Variants in NLRP7 observed in about 807,000 individuals in gnomAD.
The protein encoded by NLRP7 is NACHT, LRR and PYD domains-containing protein 7.
Under a neutral mutation model 85.5 loss-of-function variants are expected in NLRP7, and 72 were observed. That is an observed-to-expected ratio of 0.84 (90% confidence interval 0.70 to 1.02). NLRP7 has a LOEUF of 1.02. Among genes scored for constraint, NLRP7 ranks in the 50% least tolerant of loss-of-function variants. NLRP7 has a pLI of 0.00. For synonymous variants in NLRP7, 550 were observed against 505.2 expected, an observed-to-expected ratio of 1.09 and a Z score of -1.19; for missense variants, 1,243 against 1,219.5, an observed-to-expected ratio of 1.02 and a Z score of -0.29.
At chr19:54,943,376 C>A (rs372784647) in intron 1 of NLRP7, among the ~76,000 whole-genome samples, 3 of 151,830 alleles carry the variant, frequency 2.0e-5, no homozygotes, top group Non-Finnish European at 2.9e-5. Context: ...CCGAGGCAGG[C>A]GGATCACGAG....
At chr19:54,935,915 GA>G (rs141064433) in intron 6 of NLRP7, among the ~76,000 whole-genome samples, 10,356 of 152,090 alleles carry the variant, frequency 0.068, 861 homozygotes, top group African/African-American at 0.2. Flanking sequence ...CCCGTCTGTG[GA>G]AAAAACTGTC....
rs2069174470 is a variant in NLRP7, at chr19:54,940,452, A to G, written c.367T>C (p.Trp123Arg). 1.2e-6 allele frequency: 2 copies of G among 1,613,812 alleles called. No homozygotes were observed. Among genetic ancestry groups the G allele is most frequent in the African/African-American group, 1.3e-5 (1 of 74,924 alleles). Residue 123 changes from tryptophan (W) to arginine (R), a missense_variant, in exon 4 of 10, where the codon TGG becomes CGG. Around this residue, in one of 3 missense-constraint regions of NLRP7, gnomAD observed 591 missense variants for 563.3 expected, o/e 1.05. Transcript: ENST00000340844. Reference sequence around the variant, plus strand: ...GACTGTTTCTCCATTGAATTTCTCCATCCTTCCTTTTCACCTGCAGTGACA... The same window carrying G: ...GACTGTTTCTCCATTGAATTTCTCCGTCCTTCCTTTTCACCTGCAGTGACA...
At chr19:54,960,050 T>C (rs1328641841) in intron 1 of NLRP7, among the ~76,000 whole-genome samples, 1 of 152,028 alleles carries the variant, frequency 6.6e-6, no homozygotes, top group Non-Finnish European at 1.5e-5. Context: ...AACCACGTAG[T>C]TCCTCTTTTG....
Position 54,934,796 on chromosome 19 carries a change from G to A in NLRP7, c.2301-137C>T, listed in dbSNP as rs145138824. 2.8e-4 allele frequency: 191 copies of A among 678,338 alleles called. 2 individuals are homozygous for A. The highest frequency in any genetic ancestry group is 3.9e-4 in the Non-Finnish European group (160 of 409,618). 42.0% of individuals were successfully genotyped at this position (678,338 alleles called of 1,614,324 possible). ...GTGATCTCACCTCACTGCAGCCTCC[G>A]CCTCCCGGGTTCAAGCTATTCTCCT... On this transcript the variant is annotated intron_variant, in intron 6 of 9. Transcript: ENST00000340844. The surrounding 1 kb of genome is among the most constrained non-coding windows in gnomAD (Gnocchi z 6.7).
At chr19:54,933,317 T>C (rs1461017729) in intron 8 of NLRP7, among the ~76,000 whole-genome samples, 1 of 152,096 alleles carries the variant, frequency 6.6e-6, no homozygotes, top group Non-Finnish European at 1.5e-5. Context: ...GGCTAATTTT[T>C]GGTATTTTTA....
At chr19:54,959,981 AT>A (rs1431670132) in intron 1 of NLRP7, among the ~76,000 whole-genome samples, 1 of 151,738 alleles carries the variant, frequency 6.6e-6, no homozygotes, top group African/African-American at 2.4e-5. Flanking sequence ...AGACCTGGGC[AT>A]TTTGTTGAAT....
At chr19:54,929,720 C>G (rs1229590146) in intron 9 of NLRP7, among the ~76,000 whole-genome samples, 1 of 152,136 alleles carries the variant, frequency 6.6e-6, no homozygotes, top group East Asian at 1.9e-4. Flanking sequence ...CTTCTCCAGG[C>G]CCTCTACCTG....
At chr19:54,944,126 G>A (rs568130169) in intron 1 of NLRP7, among the ~76,000 whole-genome samples, 5 of 152,108 alleles carry the variant, frequency 3.3e-5, no homozygotes, top group East Asian at 1.9e-4. Flanking sequence ...AGACCAGACC[G>A]TACCCCAGCC....
intron 1 of NLRP7, among the ~76,000 whole-genome samples, chr19:54,945,238 C>CAAA (rs75770706): frequency 2.9e-5 from 2 of 69,700 alleles, no homozygotes; most frequent in African/African-American, 9.0e-5. Flanking sequence ...GACTCCCTCT[C>CAAA]AAAAAAAAAA....
In NLRP7 at chr19:54,957,346, CTT is replaced by C. The variant is rs369473061; in HGVS notation, c.-77+8692_-77+8693del. Among the ~76,000 whole-genome samples the C allele has an allele frequency of 1.8e-3, 227 of 127,988 alleles. 7 individuals carry two copies. The East Asian group carries it at 0.035, about 20-fold the overall frequency. The allele number at this position is 127,988 out of a possible 152,430, so 84.0% of individuals were successfully genotyped here. A position where few individuals can be genotyped will look rare whatever the true frequency, so the allele number is the denominator to read the frequency against. On this transcript the variant is annotated intron_variant, in intron 1 of 2. Coordinates refer to the NLRP7 transcript ENST00000587103. Reference sequence around the variant, plus strand: ...CCCCTACTCCTTTCTTCTTCTTCTTCTTTTTTTTTTTTTTTTTGAGATGGAGT... The same window carrying C: ...CCCCTACTCCTTTCTTCTTCTTCTTCTTTTTTTTTTTTTTTGAGATGGAGT...
chr19:54,962,998 G>C (rs532265836), intron 1 of NLRP7, among the ~76,000 whole-genome samples: 12 of 152,286 alleles, frequency 7.9e-5, no homozygotes, highest in African/African-American at 2.6e-4. Context: ...CAAGACCTCA[G>C]ACAGGTTTTC....
upstream of NLRP7, among the ~76,000 whole-genome samples, chr19:54,951,621 T>A (rs779242695): frequency 6.6e-6 from 1 of 151,932 alleles, no homozygotes; most frequent in African/African-American, 2.4e-5. Context: ...AAAATAAAAA[T>A]GAAAAAATGT....
chr19:54,936,925 A>C (rs2068954417), intron 5 of NLRP7, among the ~76,000 whole-genome samples: 1 of 148,624 alleles, frequency 6.7e-6, no homozygotes, highest in Non-Finnish European at 1.5e-5. Context: ...AAAAGAAAAA[A>C]AAATTCGCCG....
chr19:54,961,630 T>A (rs1404654142), intron 1 of NLRP7, among the ~76,000 whole-genome samples: 1 of 151,110 alleles, frequency 6.6e-6, no homozygotes, highest in Non-Finnish European at 1.5e-5. Flanking sequence ...GATCAGGAGT[T>A]CAAGAAGAGC....
chr19:54,941,381 C>CAA (rs55704982), intron 2 of NLRP7, 54 bp downstream of exon 2: 37,385 of 656,556 alleles, frequency 0.057, 557 homozygotes, highest in Non-Finnish European at 0.065. Context: ...GACTCCATCT[C>CAA]AAAAAAAAAA....
intron 6 of NLRP7, among the ~76,000 whole-genome samples, chr19:54,936,059 T>C (rs1230628566): frequency 6.6e-6 from 1 of 152,148 alleles, no homozygotes; most frequent in African/African-American, 2.4e-5. Context: ...GGTGTTTCTT[T>C]GCATGGATAG....
chr19:54,929,457 T>C (rs2068580968), intron 9 of NLRP7, among the ~76,000 whole-genome samples: 1 of 152,192 alleles, frequency 6.6e-6, no homozygotes, highest in South Asian at 2.1e-4. Context: ...CTCTTTGCAT[T>C]AGGATTGCAG....
intron 4 of NLRP7, 124 bp from the exon 5 acceptor site, chr19:54,938,365 A>G (rs527760108): frequency 4.2e-4 from 321 of 763,756 alleles, no homozygotes; most frequent in Admixed American, 6.3e-4. Context: ...CAGTGTCTAT[A>G]GTAAACAATA....
chr19:54,937,853 C>T (rs1056287416), intron 5 of NLRP7, among the ~76,000 whole-genome samples, 191 bp downstream of exon 5: 7 of 142,436 alleles, frequency 4.9e-5, no homozygotes, highest in Admixed American at 7.4e-5. Flanking sequence ...GCTGAGATCG[C>T]GCCATTGCAC....
Sources: gnomAD v4.1 joint callset for allele counts (sites outside exome capture counted in the v4.1 genomes callset) on GRCh38, gnomAD v4.1.1 for gene constraint, gnomAD v4.1.1 regional missense constraint, Gnocchi (gnomAD v3.1) non-coding constraint, MANE v1.5 for transcripts, NCBI Gene and HGNC (gene_info 2026-07-23, HGNC 2026-07-21) for gene names.